The following CLVS1 variants were observed in gnomAD, a reference collection of about 807,000 sequenced individuals.
The protein encoded by CLVS1 is clavesin 1.
In CLVS1, 10 loss-of-function variants were observed where a neutral mutation model predicts 33.1. The observed-to-expected ratio is 0.30, with a 90% CI of 0.19 to 0.51. The LOEUF (loss-of-function observed/expected upper bound fraction) is 0.51. CLVS1 is among the 20% of genes least tolerant of loss of function. CLVS1 has a pLI of 0.97. For synonymous variants in CLVS1, 163 were observed against 166.1 expected (o/e 0.98, Z 0.14); for missense variants, 343 against 433.4 (o/e 0.79, Z 1.85).
At chr8:61,156,213 TCAA>T (rs1806645001) in intron 2 of CLVS1, among the ~76,000 whole-genome samples, 2 of 15,274 alleles carry the variant, frequency 1.3e-4, no homozygotes, top group African/African-American at 2.3e-4. Context: ...AGATTCCATC[TCAA>T]AAAAAAAAAA....
intron 5 of CLVS1, chr8:61,465,617 G>A (rs1817519383): frequency 6.6e-6 from 1 of 152,054 alleles, no homozygotes; most frequent in Non-Finnish European, 1.5e-5. Flanking sequence ...GGTACTAAAT[G>A]ACCCTGAGTT....
chr8:61,013,793 C>T, the CLVS1 span, among the ~76,000 whole-genome samples: 15 of 152,132 alleles, frequency 9.9e-5, no homozygotes, highest in African/African-American at 2.9e-4. Flanking sequence ...ATTCCATGAC[C>T]CCTCCTCCCA....
chr8:61,024,730 T>A, the CLVS1 span, among the ~76,000 whole-genome samples: 2 of 152,258 alleles, frequency 1.3e-5, no homozygotes, highest in African/African-American at 4.8e-5. Context: ...AAGTCCACTC[T>A]GCCATTAATA....
intron 2 of CLVS1, among the ~76,000 whole-genome samples, chr8:61,190,029 G>A (rs1403565559): frequency 6.6e-6 from 1 of 152,150 alleles, no homozygotes; most frequent in East Asian, 1.9e-4. Context: ...AGATCTAATA[G>A]ACATCTACAG....
chr8:61,252,829 G>T (rs2931283), intron 2 of CLVS1, among the ~76,000 whole-genome samples: 52,038 of 151,950 alleles, frequency 0.34, 9,375 homozygotes, highest in Admixed American at 0.39. Flanking sequence ...ACGTGAGATG[G>T]GTCTCCTGAA....
chr8:61,207,784 G>T (rs562441428), intron 2 of CLVS1, among the ~76,000 whole-genome samples: 1 of 152,110 alleles, frequency 6.6e-6, no homozygotes, highest in Non-Finnish European at 1.5e-5. Context: ...AGTACATCTC[G>T]GGGAAAGGTT....
chr8:61,167,271 C>T (rs866855213), intron 2 of CLVS1, among the ~76,000 whole-genome samples: 135 of 151,316 alleles, frequency 8.9e-4, no homozygotes, highest in African/African-American at 3.1e-3. Flanking sequence ...CTCTGCTCAC[C>T]GCAACCTTCG....
chr8:61,160,381 T>C (rs1336220525), intron 2 of CLVS1, among the ~76,000 whole-genome samples: 3 of 152,190 alleles, frequency 2.0e-5, no homozygotes, highest in Non-Finnish European at 4.4e-5. Context: ...CTATATTTAG[T>C]AAACAAAACA....
the CLVS1 span, among the ~76,000 whole-genome samples, chr8:60,968,658 G>A: frequency 2.0e-5 from 3 of 152,134 alleles, no homozygotes; most frequent in Non-Finnish European, 4.4e-5. Context: ...GGAGGCTGAG[G>A]TGGGCAGATC....
intron 3 of CLVS1, among the ~76,000 whole-genome samples, chr8:61,406,608 GTT>G (rs919718677): frequency 6.7e-6 from 1 of 149,564 alleles, no homozygotes; most frequent in African/African-American, 2.5e-5. Flanking sequence ...ACATAGATTT[GTT>G]TTTTTTGTGG....
At chr8:61,295,845 T>C (rs1253201305) in intron 1 of CLVS1, among the ~76,000 whole-genome samples, 3 of 152,134 alleles carry the variant, frequency 2.0e-5, no homozygotes, top group African/African-American at 4.8e-5. Flanking sequence ...ACAGTTGTTC[T>C]GAGGATTAAA....
chr8:61,295,790 AGTTTCC>A (rs1171544467), intron 1 of CLVS1, among the ~76,000 whole-genome samples: 16 of 152,144 alleles, frequency 1.1e-4, no homozygotes, highest in African/African-American at 3.9e-4. Context: ...TCTGTGCCTT[AGTTTCC>A]TCATTTGAAA....
At chr8:61,471,757 C>G (rs1817745073) in intron 5 of CLVS1, among the ~76,000 whole-genome samples, 1 of 152,256 alleles carries the variant, frequency 6.6e-6, no homozygotes, top group African/African-American at 2.4e-5. Context: ...TGAGCCTGCC[C>G]CCTGGCCTGG....
At chr8:61,052,075 G>A in the CLVS1 span, among the ~76,000 whole-genome samples, 1 of 152,210 alleles carries the variant, frequency 6.6e-6, no homozygotes, top group Admixed American at 6.5e-5. Context: ...TCAGAGGCTG[G>A]GATGGGCAAG....
rs557257126 is a variant in CLVS1, at chr8:61,356,518, G to A, written c.456-20087G>A. On this transcript the variant is annotated intron_variant, in intron 2 of 5. Transcript: ENST00000325897. ...CCTATGTCCTGAATGGTAATGCCTA[G>A]GTTTTCTTCTAGGGTTTTTATGGTT... is the stretch of plus-strand genomic sequence containing the variant. Among the ~76,000 whole-genome samples the A allele has an allele frequency of 9.9e-5, 15 of 151,234 alleles. No homozygotes were observed. In the Middle Eastern group the frequency reaches 0.01, roughly 103 times the overall value.
At chr8:61,496,744 A>T (rs975513035) in intron 5 of CLVS1, among the ~76,000 whole-genome samples, 7 of 152,206 alleles carry the variant, frequency 4.6e-5, no homozygotes, top group Non-Finnish European at 1.0e-4. Context: ...TCTACAGTAC[A>T]TACATATCTT....
chr8:61,228,019 C>T (rs1358608176), intron 2 of CLVS1, among the ~76,000 whole-genome samples: 2 of 152,200 alleles, frequency 1.3e-5, no homozygotes, highest in Non-Finnish European at 2.9e-5. Flanking sequence ...AAAACGAGTG[C>T]CCTTAGAAAG....
intron 1 of CLVS1, among the ~76,000 whole-genome samples, chr8:61,129,243 G>T (rs1835757): frequency 0.027 from 4,082 of 152,308 alleles, 183 homozygotes; most frequent in African/African-American, 0.092. Flanking sequence ...TATCTGTTTT[G>T]GAGAAAGAAA....
At chr8:61,231,198 C>A (rs1414208122) in intron 2 of CLVS1, among the ~76,000 whole-genome samples, 2 of 152,168 alleles carry the variant, frequency 1.3e-5, no homozygotes, top group African/African-American at 4.8e-5. Context: ...ATGAGAGAGT[C>A]TGCTGCCATT....
Sources: allele counts gnomAD v4.1 joint callset (sites outside exome capture counted in the v4.1 genomes callset), GRCh38; gene constraint gnomAD v4.1.1; transcripts MANE v1.5; gene names NCBI Gene and HGNC (gene_info 2026-07-23, HGNC 2026-07-21).